The following PDE1C variants were observed in gnomAD, a reference collection of about 807,000 sequenced individuals.
PDE1C encodes dual specificity calcium/calmodulin-dependent 3',5'-cyclic nucleotide phosphodiesterase 1C.
A neutral mutation model predicts 93.1 loss-of-function variants in PDE1C; 62 were observed. The ratio of observed to expected loss-of-function variants is 0.67; its 90% CI spans 0.54 to 0.82. The LOEUF is 0.82. Ranked by LOEUF, PDE1C falls within the 40% of genes least tolerant of loss-of-function variation. PDE1C has a pLI of 0.00. For missense variants in PDE1C, 742 were observed against 884.6 expected, an observed-to-expected ratio of 0.84 and a Z score of 2.04; for synonymous variants, 325 against 310.1, an observed-to-expected ratio of 1.05 and a Z score of -0.50.
intron 2 of PDE1C, among the ~76,000 whole-genome samples, chr7:31,937,254 CG>C (rs1805213482): frequency 6.6e-6 from 1 of 152,024 alleles, no homozygotes; most frequent in African/African-American, 2.4e-5. Flanking sequence ...CAAATTCCCC[CG>C]ACAAGAAACA....
At chr7:32,414,762 T>C (rs1011047645) in intron 1 of PDE1C, among the ~76,000 whole-genome samples, 2 of 149,076 alleles carry the variant, frequency 1.3e-5, no homozygotes, top group East Asian at 2.0e-4. Flanking sequence ...AGTGCAGTAA[T>C]ACAAACAACT....
chr7:31,720,156 C>T, the PDE1C span, among the ~76,000 whole-genome samples: 415 of 110,346 alleles, frequency 3.8e-3, 2 homozygotes, highest in Middle Eastern at 7.9e-3. Flanking sequence ...GGCAACAGAG[C>T]GAGACTCCGT....
chr7:32,275,449 C>CTT (rs1811218326), intron 1 of PDE1C, among the ~76,000 whole-genome samples: 1 of 152,196 alleles, frequency 6.6e-6, no homozygotes, highest in Non-Finnish European at 1.5e-5. Flanking sequence ...CCACTCTCTC[C>CTT]ATGGCCTATA....
intron 3 of PDE1C, among the ~76,000 whole-genome samples, chr7:32,158,445 G>C (rs1157415917): frequency 6.6e-6 from 1 of 152,154 alleles, no homozygotes; most frequent in Non-Finnish European, 1.5e-5. Context: ...CAATAAATGG[G>C]GATCTGCAGC....
At chr7:32,359,750 G>A (rs11971644) in intron 1 of PDE1C, among the ~76,000 whole-genome samples, 4,118 of 151,974 alleles carry the variant, frequency 0.027, 209 homozygotes, top group African/African-American at 0.093. Flanking sequence ...TACTCCATTC[G>A]GCTCAATTTC....
chr7:31,686,936 C>T, the PDE1C span: 2 of 152,118 alleles, frequency 1.3e-5, no homozygotes, highest in Non-Finnish European at 2.9e-5. Context: ...GCCTCAGTTT[C>T]CATATTTACA....
intron 2 of PDE1C, among the ~76,000 whole-genome samples, chr7:32,207,213 C>G (rs1805637553): frequency 6.6e-6 from 1 of 152,084 alleles, no homozygotes; most frequent in African/African-American, 2.4e-5. Flanking sequence ...CTAGAGGGTC[C>G]AGCCATCACA....
chr7:31,652,528 T>C, the PDE1C span: 8 of 1,596,078 alleles, frequency 5.0e-6, no homozygotes, highest in Non-Finnish European at 6.8e-6. Context: ...CAGCTGGAGG[T>C]TCTCACAGCA....
chr7:31,650,084 G>T, the PDE1C span, among the ~76,000 whole-genome samples: 1 of 152,182 alleles, frequency 6.6e-6, no homozygotes, highest in African/African-American at 2.4e-5. Flanking sequence ...TGCCCTCCTA[G>T]AGACCGGGGA....
chr7:31,619,425 T>A, the PDE1C span, among the ~76,000 whole-genome samples: 1 of 152,346 alleles, frequency 6.6e-6, no homozygotes, highest in African/African-American at 2.4e-5. Context: ...CTATGTAACA[T>A]GTTCCTAACT....
intron 1 of PDE1C, among the ~76,000 whole-genome samples, chr7:32,263,552 T>G (rs1810369013): frequency 6.6e-6 from 1 of 152,226 alleles, no homozygotes; most frequent in Non-Finnish European, 1.5e-5. Flanking sequence ...GATACAGTAC[T>G]TTAATCTCCC....
At chr7:31,654,053 C>CAAAA in the PDE1C span, among the ~76,000 whole-genome samples, 3 of 130,366 alleles carry the variant, frequency 2.3e-5, no homozygotes, top group African/African-American at 8.5e-5. Context: ...AGAGTAAGTC[C>CAAAA]AAAAAAAAAA....
At position 32,368,391 on chromosome 7, in the gene PDE1C, G is replaced by A. The variant is rs867996856; in HGVS notation, c.310+59431C>T. Among the ~76,000 whole-genome samples, 9 of 152,026 alleles carry A rather than the reference G, an allele frequency of 5.9e-5. No homozygotes were observed. In the South Asian group the frequency reaches 1.0e-3, roughly 18 times the overall value. On this transcript the variant is annotated intron_variant, in intron 1 of 1. Coordinates refer to the PDE1C transcript ENST00000672256. ...TAGCTGAAAAAGAAATCGAGAAGAC[G>A]ATTCCATTCACAATAGCTATACAAA...
chr7:32,311,225 G>C (rs1270459570), intron 1 of PDE1C, among the ~76,000 whole-genome samples: 3 of 152,210 alleles, frequency 2.0e-5, no homozygotes, highest in South Asian at 2.1e-4. Context: ...TCTCTGAATA[G>C]ATGAATAACA....
rs1404503659 is a variant in PDE1C at position 32,358,938 on chromosome 7, C to T, written c.310+68884G>A. Among the ~76,000 whole-genome samples the T allele has an allele frequency of 4.9e-5, 4 of 81,198 alleles. No individual in the cohort carries two copies. The East Asian group carries it at 9.3e-4, about 19-fold the overall frequency. The allele number at this position is 81,198 out of a possible 152,430, so 53.3% of individuals were successfully genotyped here. ...GTGTAACAGTCTCTCTTCAACCAAA[C>T]TTTACTTAGGCTCTTCTGAGCTCTC... is the stretch of plus-strand genomic sequence containing the variant. On this transcript the variant is annotated intron_variant, in intron 1 of 1. Transcript: ENST00000672256.
intron 1 of PDE1C, among the ~76,000 whole-genome samples, chr7:32,214,111 T>C (rs1209718214): frequency 1.3e-5 from 2 of 152,194 alleles, no homozygotes; most frequent in Non-Finnish European, 2.9e-5. Flanking sequence ...TATGTGTGTA[T>C]GTAAAAAACT....
intron 2 of PDE1C, among the ~76,000 whole-genome samples, chr7:31,945,028 C>T (rs1806416427): frequency 6.6e-6 from 1 of 152,068 alleles, no homozygotes; most frequent in Non-Finnish European, 1.5e-5. Flanking sequence ...TTTACTTTAT[C>T]ATTTTGATTA....
intron 3 of PDE1C, among the ~76,000 whole-genome samples, chr7:31,880,145 A>T (rs1311764032): frequency 2.6e-5 from 4 of 152,212 alleles, no homozygotes; most frequent in Non-Finnish European, 5.9e-5. Context: ...TAGGGGGAAA[A>T]AAAACCACAC....
At chr7:32,041,869 G>A (rs1791867109) in intron 2 of PDE1C, among the ~76,000 whole-genome samples, 1 of 152,114 alleles carries the variant, frequency 6.6e-6, no homozygotes, top group South Asian at 2.1e-4. Context: ...AACATAAAAT[G>A]TCTGAAGAGA....
Sources: gnomAD v4.1 joint callset for allele counts (sites outside exome capture counted in the v4.1 genomes callset) on GRCh38, gnomAD v4.1.1 for gene constraint, MANE v1.5 for transcripts, NCBI Gene and HGNC (gene_info 2026-07-23, HGNC 2026-07-21) for gene names.